The following TMCO4 variants were observed in gnomAD, a reference collection of about 807,000 sequenced individuals.
TMCO4 encodes the protein transmembrane and coiled-coil domain-containing protein 4.
A neutral mutation model predicts 64.7 loss-of-function variants in TMCO4; 58 were observed. That is an observed-to-expected ratio of 0.90 (90% CI 0.73 to 1.12). The LOEUF is 1.12. Ranked by LOEUF, TMCO4 falls within the 50% of genes most tolerant of loss-of-function variation. The pLI is 0.00. For missense variants in TMCO4, 780 were observed against 825.9 expected, an observed-to-expected ratio of 0.94 and a Z score of 0.68; for synonymous variants, 325 against 346.1, an observed-to-expected ratio of 0.94 and a Z score of 0.68.
At chr1:19,776,872 C>T (rs548953401) in intron 4 of TMCO4, among the ~76,000 whole-genome samples, 245 of 152,036 alleles carry the variant, frequency 1.6e-3, no homozygotes, top group African/African-American at 4.2e-3. Context: ...ACTAAAAATA[C>T]GAAAATTAGC....
chr1:19,685,745 GCT>G (rs1177847175), intron 15 of TMCO4, among the ~76,000 whole-genome samples: 1 of 128,930 alleles, frequency 7.8e-6, no homozygotes, highest in African/African-American at 2.8e-5. Flanking sequence ...ACAGAGTCTC[GCT>G]CTGTTGCCCA....
intron 13 of TMCO4, among the ~76,000 whole-genome samples, chr1:19,718,864 G>A (rs756820048): frequency 6.6e-5 from 10 of 151,962 alleles, no homozygotes; most frequent in Admixed American, 3.9e-4. Flanking sequence ...GGAATGCGGC[G>A]GCACCAACTA....
At position 19,723,113 on chromosome 1, in the gene TMCO4, T is replaced by C. The variant is rs1489519608; in HGVS notation, c.1264+14259A>G. On this transcript the variant is annotated intron_variant, in intron 13 of 15. Transcript: ENST00000294543. ...ACCTTCTCTCTCTCTGGCCCTTATC[T>C]GAAATGCGTGGGACCAGAAGTATTT... Among the ~76,000 whole-genome samples, 3 of 152,204 alleles carry C rather than the reference T, an allele frequency of 2.0e-5. No homozygotes were observed. The East Asian group carries it at 5.8e-4, about 29-fold the overall frequency.
At chr1:19,701,065 G>C (rs2100617361) in intron 13 of TMCO4, 180 bp from the exon 14 acceptor site, 1 of 562,184 alleles carries the variant, frequency 1.8e-6, no homozygotes, top group Non-Finnish European at 3.1e-6. Context: ...TGCATGGATA[G>C]GCATGGAGGC....
intron 7 of TMCO4, among the ~76,000 whole-genome samples, chr1:19,753,713 T>C (rs549669164): frequency 1.3e-5 from 2 of 152,330 alleles, no homozygotes; most frequent in South Asian, 2.1e-4. Flanking sequence ...AGAGGGTTAG[T>C]AGCAGAATCA....
chr1:19,798,592 G>C (rs1462315191), intron 1 of TMCO4, among the ~76,000 whole-genome samples: 1 of 152,208 alleles, frequency 6.6e-6, no homozygotes, highest in Admixed American at 6.5e-5. Flanking sequence ...CAGTTACAAA[G>C]CTGCAAAGCT....
chr1:19,725,894 A>G (rs1366002177), intron 13 of TMCO4, among the ~76,000 whole-genome samples: 3 of 152,232 alleles, frequency 2.0e-5, no homozygotes, highest in Non-Finnish European at 4.4e-5. Flanking sequence ...GCAATAGATC[A>G]ACCAGCTGGC....
intron 13 of TMCO4, among the ~76,000 whole-genome samples, chr1:19,723,123 G>A (rs1193102316): frequency 6.6e-6 from 1 of 152,158 alleles, no homozygotes; most frequent in Non-Finnish European, 1.5e-5. Context: ...TGAAATGCGT[G>A]GGACCAGAAG....
intron 7 of TMCO4, among the ~76,000 whole-genome samples, chr1:19,748,712 C>G (rs1254912956): frequency 6.6e-6 from 1 of 152,154 alleles, no homozygotes; most frequent in African/African-American, 2.4e-5. Context: ...GTAATTCCAG[C>G]TACTCAGGAG....
At chr1:19,688,963 T>C (rs2095171000) in intron 15 of TMCO4, among the ~76,000 whole-genome samples, 1 of 152,136 alleles carries the variant, frequency 6.6e-6, no homozygotes, top group Non-Finnish European at 1.5e-5. Flanking sequence ...CCCCACCCAC[T>C]GTAACCTTGT....
intron 2 of TMCO4, among the ~76,000 whole-genome samples, chr1:19,788,954 A>C (rs1305085369): frequency 6.6e-6 from 1 of 152,094 alleles, no homozygotes; most frequent in Admixed American, 6.6e-5. Flanking sequence ...ACGCGCCTGT[A>C]GTCCCAGCTA....
intron 13 of TMCO4, among the ~76,000 whole-genome samples, chr1:19,703,124 A>T (rs1294886000): frequency 6.6e-6 from 1 of 152,218 alleles, no homozygotes; most frequent in Non-Finnish European, 1.5e-5. Context: ...CTCAATAAAG[A>T]TTTGAATGAA....
At chr1:19,791,114 C>A (rs1353294387) in intron 2 of TMCO4, among the ~76,000 whole-genome samples, 2 of 152,082 alleles carry the variant, frequency 1.3e-5, no homozygotes, top group African/African-American at 2.4e-5. Context: ...ACAATGAGCA[C>A]ACATGGACAC....
intron 5 of TMCO4, 132 bp downstream of exon 5, chr1:19,771,176 G>C (rs2042963007): frequency 3.2e-6 from 3 of 937,794 alleles, no homozygotes; most frequent in African/African-American, 1.6e-5. Flanking sequence ...CTATGATCAT[G>C]ATATGATATT....
At position 19,694,503 on chromosome 1, in the gene TMCO4, G is replaced by A. The variant is rs1479472995; in HGVS notation, c.1431C>T (p.Leu477=). ...SFVYRTSSVQ[L]RVAGLQPVLL... ...GCACGGGCTGTAGGCCGGCGACACG[G>A]AGCTGCACCGAGGATGTGCGGTACA... Residue 477 remains leucine, a synonymous_variant, in exon 15 of 16, where the codon CTC becomes CTT. Transcript: ENST00000294543. 6.2e-7 allele frequency: 1 copy of A among 1,614,100 alleles called. No individual in the cohort carries two copies. The highest frequency in any genetic ancestry group is 8.5e-7 in the Non-Finnish European group (1 of 1,179,960).
intron 2 of TMCO4, among the ~76,000 whole-genome samples, chr1:19,789,689 G>A (rs969438080): frequency 2.6e-5 from 4 of 152,152 alleles, no homozygotes; most frequent in African/African-American, 9.7e-5. Context: ...CTGGACCCAT[G>A]TGGCCCAGCC....
intron 6 of TMCO4, among the ~76,000 whole-genome samples, chr1:19,760,014 C>T (rs1411780388): frequency 2.0e-5 from 3 of 152,276 alleles, no homozygotes; most frequent in African/African-American, 7.2e-5. Flanking sequence ...CCTCCCACCT[C>T]CACTGAGACT....
intron 13 of TMCO4, among the ~76,000 whole-genome samples, chr1:19,719,529 TATTG>T (rs984300654): frequency 3.3e-5 from 5 of 152,100 alleles, no homozygotes; most frequent in African/African-American, 9.7e-5. Flanking sequence ...GTGCTTTATT[TATTG>T]ATTGATTGAT....
At chr1:19,737,273 G>T in intron 13 of TMCO4, 99 bp downstream of exon 13, 1 of 1,168,440 alleles carries the variant, frequency 8.6e-7, no homozygotes, top group Non-Finnish European at 1.2e-6. Flanking sequence ...TAAGAACTGG[G>T]AACACATTTT....
Sources: gnomAD v4.1 joint callset for allele counts (sites outside exome capture counted in the v4.1 genomes callset) on GRCh38, gnomAD v4.1.1 for gene constraint, MANE v1.5 for transcripts, NCBI Gene and HGNC (gene_info 2026-07-23, HGNC 2026-07-21) for gene names.